SLURP1: variants seen among roughly 807,000 people sequenced by gnomAD.
The protein encoded by SLURP1 is secreted LY6/PLAUR domain containing 1.
A neutral mutation model predicts 7.9 loss-of-function variants in SLURP1; 2 were observed. That is an observed-to-expected ratio of 0.25 (90% confidence interval 0.10 to 0.79). The LOEUF is 0.79. SLURP1 is among the 30% of genes least tolerant of loss of function. The pLI is 0.69. For missense variants in SLURP1, 111 were observed against 139.8 expected (o/e 0.79, Z 1.04); for synonymous variants, 59 against 54.9 (o/e 1.07, Z -0.33).
chr8:142,742,276 G>A (rs781506808), intron 1 of SLURP1, 52 bp downstream of exon 1: 113 of 1,580,202 alleles, frequency 7.2e-5, no homozygotes, highest in Non-Finnish European at 9.3e-5. Context: ...CCCCTAGGAG[G>A]TGGGCAGACA....
chr8:142,741,962 C>T lies in SLURP1; in HGVS notation c.59-40G>A, dbSNP rs587638195. 1.1e-5 allele frequency: 18 copies of T among 1,606,366 alleles called. No individual in the cohort carries two copies. In the East Asian group the frequency reaches 2.0e-4, roughly 18 times the overall value. On this transcript the variant is annotated intron_variant, in intron 1 of 2. Coordinates refer to ENST00000246515, the MANE Select transcript of SLURP1 (RefSeq NM_020427.3). This position sits in a 1 kb window ranked among gnomAD's most constrained non-coding sequence, Gnocchi z 4.3. ...GGGGCAGAACCTCATCACCTGACCT[C>T]GGTGGCCTCATCCTGGAACCAGGAG...
At position 142,741,071 on chromosome 8, in the gene SLURP1, G is replaced by A; in HGVS notation, c.*72C>T. Reference sequence around the variant, plus strand: ...ACAGCAGCAGGAAGCAGGGGGAGGTGATCACAGGTGGAGCCAGGCCCCGTC... The same window carrying A: ...ACAGCAGCAGGAAGCAGGGGGAGGTAATCACAGGTGGAGCCAGGCCCCGTC... On this transcript the variant is annotated 3_prime_UTR_variant, in exon 3 of 3. Transcript: ENST00000246515. This position sits in a 1 kb window ranked among gnomAD's most constrained non-coding sequence, Gnocchi z 4.3. 6.3e-7 allele frequency: 1 copy of A among 1,593,048 alleles called. No individual in the cohort carries two copies. The highest frequency in any genetic ancestry group is 1.1e-5 in the South Asian group (1 of 90,794).
Position 142,741,389 on chromosome 8 carries a change from A to G in SLURP1, c.179-113T>C, listed in dbSNP as rs1815865775. ...ACCCTCCCTGTGATCCCTGTTCCCAATAGTCCACATCTGTGAAGCCACCCA... is the reference window on the plus strand; with the variant it reads ...ACCCTCCCTGTGATCCCTGTTCCCAGTAGTCCACATCTGTGAAGCCACCCA... On this transcript the variant is annotated intron_variant, in intron 2 of 2. Coordinates refer to ENST00000246515, the MANE Select transcript of SLURP1 (RefSeq NM_020427.3). The surrounding 1 kb of genome is among the most constrained non-coding windows in gnomAD (Gnocchi z 4.3). The G allele has an allele frequency of 1.4e-6, 2 of 1,415,998 alleles. No homozygotes were observed. The highest frequency in any genetic ancestry group is 1.4e-5 in the African/African-American group (1 of 70,384). 87.7% of individuals were successfully genotyped at this position (1,415,998 alleles called of 1,614,324 possible).
At chr8:142,742,003 G>T in intron 1 of SLURP1, 81 bp from the exon 2 acceptor site, 1 of 1,588,986 alleles carries the variant, frequency 6.3e-7, no homozygotes, top group Non-Finnish European at 8.5e-7. Flanking sequence ...GGCTGAAGGA[G>T]TCTCGCTGAC....
rs121908320 is a variant in SLURP1, at chr8:142,741,159, C to T, written c.296G>A (p.Cys99Tyr). The T allele has an allele frequency of 6.2e-7, 1 of 1,606,770 alleles. No homozygotes were observed. The highest frequency in any genetic ancestry group is 8.5e-7 in the Non-Finnish European group (1 of 1,179,960). Residue 99 changes from cysteine to tyrosine, a missense_variant, in exon 3 of 3, where the codon TGC becomes TAC. Cys to Tyr is a radical substitution (Grantham distance 194). Coordinates refer to ENST00000246515, the MANE Select transcript of SLURP1 (RefSeq NM_020427.3). This position sits in a 1 kb window ranked among gnomAD's most constrained non-coding sequence, Gnocchi z 4.3. ...HLIFCCFRDL[C>Y]NSEL ...GCCCTGGGTTCAGAGTTCCGAGTTGCAGAGGTCTCGGAAGCAGCAGAAGAT... is the reference window on the plus strand; with the variant it reads ...GCCCTGGGTTCAGAGTTCCGAGTTGTAGAGGTCTCGGAAGCAGCAGAAGAT...
intron 1 of SLURP1, 142 bp from the exon 2 acceptor site, chr8:142,742,064 T>A (rs1815880508): frequency 5.9e-6 from 8 of 1,366,800 alleles, no homozygotes; most frequent in Non-Finnish European, 7.0e-6. Flanking sequence ...GGCAGCTTTC[T>A]CTAACTGAGC....
Position 142,741,722 on chromosome 8 carries a change from G to A in SLURP1, c.178+81C>T. On this transcript the variant is annotated intron_variant, in intron 2 of 2. Transcript: ENST00000246515. The surrounding 1 kb of genome is among the most constrained non-coding windows in gnomAD (Gnocchi z 4.3). ...CCTGCTGCCTTTTGGGCCGGGAGGA[G>A]CACCAGCAAAGGAGGGAGGCACTTG... The A allele has an allele frequency of 3.8e-6, 6 of 1,594,102 alleles. No homozygotes were observed. The highest frequency in any genetic ancestry group is 4.3e-6 in the Non-Finnish European group (5 of 1,176,048).
At chr8:142,742,227 G>A in intron 1 of SLURP1, 101 bp downstream of exon 1, 1 of 1,290,096 alleles carries the variant, frequency 7.8e-7, no homozygotes, top group South Asian at 1.2e-5. Context: ...GGAGGCCTAA[G>A]GAGGCTCTCA....
chr8:142,742,268 C>T, intron 1 of SLURP1, 60 bp downstream of exon 1: 1 of 1,563,486 alleles, frequency 6.4e-7, no homozygotes, highest in Non-Finnish European at 8.8e-7. Context: ...GCCCCATCCC[C>T]CTAGGAGGTG....
Position 142,741,707 on chromosome 8 carries a change from T to G in SLURP1, c.178+96A>C. 1 of 1,580,894 alleles carries G rather than the reference T, an allele frequency of 6.3e-7. No individual in the cohort carries two copies. Among genetic ancestry groups the G allele is most frequent in the East Asian group, 2.2e-5 (1 of 44,446 alleles). ...GTTCTGCCCATCCCACCTGCTGCCT[T>G]TTGGGCCGGGAGGAGCACCAGCAAA... On this transcript the variant is annotated intron_variant, in intron 2 of 2. Coordinates refer to ENST00000246515, the MANE Select transcript of SLURP1 (RefSeq NM_020427.3). This position sits in a 1 kb window ranked among gnomAD's most constrained non-coding sequence, Gnocchi z 4.3.
rs773720425 is a variant in SLURP1, at chr8:142,741,180, A to C, written c.275T>G (p.Phe92Cys). 6.8e-6 allele frequency: 11 copies of C among 1,609,044 alleles called. No individual in the cohort carries two copies. Among genetic ancestry groups the C allele is most frequent in the Admixed American group, 1.7e-5 (1 of 59,980 alleles). Residue 92 changes from phenylalanine (F) to cysteine (C), a missense_variant, in exon 3 of 3, where the codon TTC (phenylalanine) becomes TGC (cysteine). Phe to Cys is a radical substitution (Grantham distance 205). Transcript: ENST00000246515. This position sits in a 1 kb window ranked among gnomAD's most constrained non-coding sequence, Gnocchi z 4.3. Reference sequence around the variant, plus strand: ...GTTGCAGAGGTCTCGGAAGCAGCAGAAGATCAGGTGGGCGGCCCCGATGCT... The same window carrying C: ...GTTGCAGAGGTCTCGGAAGCAGCAGCAGATCAGGTGGGCGGCCCCGATGCT... The part of the protein sequence containing the change: ...PDSIGAAHLI[F>C]CCFRDLCNSE...
chr8:142,741,047 C>G lies in SLURP1; in HGVS notation c.*96G>C. On this transcript the variant is annotated 3_prime_UTR_variant, in exon 3 of 3. Coordinates refer to ENST00000246515, the MANE Select transcript of SLURP1 (RefSeq NM_020427.3). The surrounding 1 kb of genome is among the most constrained non-coding windows in gnomAD (Gnocchi z 4.3). ...CAGACCCCATGAGTGAGCTGTGCCA[C>G]AGCAGCAGGAAGCAGGGGGAGGTGA... 6.4e-7 allele frequency: 1 copy of G among 1,570,778 alleles called. No individual in the cohort carries two copies. Among genetic ancestry groups the G allele is most frequent in the Non-Finnish European group, 8.6e-7 (1 of 1,156,838 alleles).
At position 142,741,176 on chromosome 8, in the gene SLURP1, G is replaced by A. The variant is rs971300584; in HGVS notation, c.279C>T (p.Cys93=). 6.2e-7 allele frequency: 1 copy of A among 1,608,718 alleles called. No homozygotes were observed. The change falls in exon 3 of 3, where the codon TGC becomes TGT. Residue 93 remains cysteine (C), a synonymous_variant. Coordinates refer to ENST00000246515, the MANE Select transcript of SLURP1 (RefSeq NM_020427.3). This position sits in a 1 kb window ranked among gnomAD's most constrained non-coding sequence, Gnocchi z 4.3. ...DSIGAAHLIF[C]CFRDLCNSEL is the part of the protein sequence containing the mutation. Reference sequence around the variant, plus strand: ...CCGAGTTGCAGAGGTCTCGGAAGCAGCAGAAGATCAGGTGGGCGGCCCCGA... The same window carrying A: ...CCGAGTTGCAGAGGTCTCGGAAGCAACAGAAGATCAGGTGGGCGGCCCCGA...
Position 142,741,133 on chromosome 8 carries a change from C to A in SLURP1, c.*10G>T. On this transcript the variant is annotated 3_prime_UTR_variant, in exon 3 of 3. Transcript: ENST00000246515. The surrounding 1 kb of genome is among the most constrained non-coding windows in gnomAD (Gnocchi z 4.3). The stretch of plus-strand genomic sequence containing the variant: ...GCCTGAGGAGCACCTTCCGCCCTGC[C>A]GCCCTGGGTTCAGAGTTCCGAGTTG... 1 of 1,602,940 alleles carries A rather than the reference C, an allele frequency of 6.2e-7. No homozygotes were observed. The highest frequency in any genetic ancestry group is 8.5e-7 in the Non-Finnish European group (1 of 1,179,890).
Position 142,741,328 on chromosome 8 carries a change from C to CT in SLURP1, c.179-53dup. 1 of 1,533,138 alleles carries CT rather than the reference C, an allele frequency of 6.5e-7. No individual in the cohort carries two copies. The highest frequency in any genetic ancestry group is 1.4e-5 in the African/African-American group (1 of 73,300). 95.0% of individuals were successfully genotyped at this position (1,533,138 alleles called of 1,614,324 possible). A position where few individuals can be genotyped will look rare whatever the true frequency, so the allele number is the denominator to read the frequency against. On this transcript the variant is annotated intron_variant, in intron 2 of 2. Transcript: ENST00000246515. This position sits in a 1 kb window ranked among gnomAD's most constrained non-coding sequence, Gnocchi z 4.3. ...CTCACTCCCCTGCAGCGCCTGCCTG[C>CT]TGCTGCACTGCTCCCAGCCGCCGTC...
chr8:142,741,669 G>T lies in SLURP1; in HGVS notation c.178+134C>A. ...CCCTCGTGGAAGGCACCCCTGCCAA[G>T]GTGTGGCAGCCTGTTCTGCCCATCC... On this transcript the variant is annotated intron_variant, in intron 2 of 2. Transcript: ENST00000246515. The surrounding 1 kb of genome is among the most constrained non-coding windows in gnomAD (Gnocchi z 4.3). 7.1e-7 allele frequency: 1 copy of T among 1,416,248 alleles called. No individual in the cohort carries two copies. Among genetic ancestry groups the T allele is most frequent in the Non-Finnish European group, 9.7e-7 (1 of 1,029,048 alleles). The allele number at this position is 1,416,248 out of a possible 1,614,324, so 87.7% of individuals were successfully genotyped here. A position where few individuals can be genotyped will look rare whatever the true frequency, so the allele number is the denominator to read the frequency against.
Position 142,741,499 on chromosome 8 carries a change from C to A in SLURP1, c.179-223G>T, listed in dbSNP as rs921358926. 6.6e-6 allele frequency among the ~76,000 whole-genome samples: 1 copy of A among 152,176 alleles called. No homozygotes were observed. Among genetic ancestry groups the A allele is most frequent in the African/African-American group, 2.4e-5 (1 of 41,432 alleles). On this transcript the variant is annotated intron_variant, in intron 2 of 2. Transcript: ENST00000246515. The surrounding 1 kb of genome is among the most constrained non-coding windows in gnomAD (Gnocchi z 4.3). ...TGAAGTGCCTGCGCTGAGATGGGAG[C>A]CCGAGCCCAGAGGCTGTGGCAACAC...
rs1815885635 is a variant in SLURP1, at chr8:142,742,374, G to T, written c.12C>A (p.Arg4=). Residue 4 remains arginine (R), a synonymous_variant, in exon 1 of 3, where the codon CGC becomes CGA. Transcript: ENST00000246515. ...CCACGAGCAGCAGCTGCACAGCCCA[G>T]CGAGAGGCCATTGCTCCGTGCTCAG... MAS[R]WAVQLLLVAA... is the part of the protein sequence containing the mutation. The T allele has an allele frequency of 6.2e-7, 1 of 1,612,862 alleles. No individual in the cohort carries two copies. The highest frequency in any genetic ancestry group is 8.5e-7 in the Non-Finnish European group (1 of 1,180,030).
rs182887603 is a variant in SLURP1 at position 142,741,000 on chromosome 8, C to G, written c.*143G>C. On this transcript the variant is annotated 3_prime_UTR_variant, in exon 3 of 3. Coordinates refer to ENST00000246515, the MANE Select transcript of SLURP1 (RefSeq NM_020427.3). ...GTGGGGTATGGAAGGCAGAGGGCGCCCCTGGTGTGCTTCTCTCCCCTCAGA... is the reference window on the plus strand; with the variant it reads ...GTGGGGTATGGAAGGCAGAGGGCGCGCCTGGTGTGCTTCTCTCCCCTCAGA... The G allele has an allele frequency of 8.9e-6, 11 of 1,237,172 alleles. No individual in the cohort carries two copies. Among genetic ancestry groups the G allele is most frequent in the Middle Eastern group, 2.4e-4 (1 of 4,250 alleles). The allele number at this position is 1,237,172 out of a possible 1,614,324, so 76.6% of individuals were successfully genotyped here.
Sources: gnomAD v4.1 joint callset for allele counts (sites outside exome capture counted in the v4.1 genomes callset) on GRCh38, gnomAD v4.1.1 for gene constraint, Gnocchi (gnomAD v3.1) non-coding constraint, MANE v1.5 for transcripts, NCBI Gene and HGNC (gene_info 2026-07-23, HGNC 2026-07-21) for gene names.